AJAP1: variants seen among roughly 807,000 people sequenced by gnomAD.
AJAP1 encodes the protein adherens junction-associated protein 1.
In AJAP1, 5 loss-of-function variants were observed where a neutral mutation model predicts 35.0. The observed-to-expected ratio is 0.14, with a 90% confidence interval of 0.07 to 0.30. The LOEUF (loss-of-function observed/expected upper bound fraction) is 0.30, where lower values mean the gene tolerates loss of function less well. Ranked by LOEUF, AJAP1 falls within the 10% of genes least tolerant of loss-of-function variation. The pLI is 1.00. For synonymous variants in AJAP1, 284 were observed against 249.3 expected, an observed-to-expected ratio of 1.14 and a Z score of -1.31; for missense variants, 586 against 571.0, an observed-to-expected ratio of 1.03 and a Z score of -0.27.
At chr1:4,743,924 G>A (rs1438979315) in intron 2 of AJAP1, among the ~76,000 whole-genome samples, 1 of 103,420 alleles carries the variant, frequency 9.7e-6, no homozygotes, top group Non-Finnish European at 2.2e-5. Flanking sequence ...GACCATCACT[G>A]AGAGAGCTCT....
At chr1:4,672,376 A>T (rs1317279416) in intron 1 of AJAP1, among the ~76,000 whole-genome samples, 1 of 152,228 alleles carries the variant, frequency 6.6e-6, no homozygotes, top group Non-Finnish European at 1.5e-5. Flanking sequence ...TGGGTGCATT[A>T]CAGTGATGGA....
intron 1 of AJAP1, among the ~76,000 whole-genome samples, chr1:4,696,405 C>A (rs546443478): frequency 6.6e-6 from 1 of 152,258 alleles, no homozygotes; most frequent in East Asian, 1.9e-4. Flanking sequence ...GAAGTTCCAG[C>A]CCTAGGGGAG....
intron 5 of AJAP1, among the ~76,000 whole-genome samples, chr1:4,775,266 C>A (rs1453018875): frequency 6.6e-6 from 1 of 152,084 alleles, no homozygotes; most frequent in East Asian, 1.9e-4. Flanking sequence ...GAGCATTGCG[C>A]CCTCATGGCT....
In AJAP1 at chr1:4,783,920, G is replaced by T. The variant is rs1013901902; in HGVS notation, c.*1435G>T. 1 of 152,174 alleles carries T rather than the reference G, an allele frequency of 6.6e-6. No individual in the cohort carries two copies. The highest frequency in any genetic ancestry group is 2.4e-5 in the African/African-American group (1 of 41,452). 9.4% of individuals were successfully genotyped at this position (152,174 alleles called of 1,614,324 possible). ...CCCCAGTCAGGCAGCGCCCTGACCT[G>T]GCCTGTGCTGCATTGCCTTCCCTTG... On this transcript the variant is annotated 3_prime_UTR_variant, in exon 6 of 6. Transcript: ENST00000378191.
At chr1:4,733,373 C>G (rs759806548) in intron 2 of AJAP1, among the ~76,000 whole-genome samples, 8 of 151,902 alleles carry the variant, frequency 5.3e-5, no homozygotes, top group Non-Finnish European at 1.0e-4. Context: ...GGTCACAGGA[C>G]AGCGAGAAGC....
chr1:4,771,552 A>G (rs1641836616), intron 3 of AJAP1, among the ~76,000 whole-genome samples: 1 of 152,116 alleles, frequency 6.6e-6, no homozygotes, highest in Non-Finnish European at 1.5e-5. Context: ...CTGTGCTCTC[A>G]TCATAGAAGT....
At chr1:4,760,172 TGA>T (rs1641531018) in intron 2 of AJAP1, among the ~76,000 whole-genome samples, 1 of 152,130 alleles carries the variant, frequency 6.6e-6, no homozygotes, top group Non-Finnish European at 1.5e-5. Context: ...AGGCCGTGTG[TGA>T]GTCTCTGTGA....
intron 1 of AJAP1, among the ~76,000 whole-genome samples, chr1:4,679,091 T>C (rs1310036224): frequency 6.6e-6 from 1 of 152,206 alleles, no homozygotes; most frequent in African/African-American, 2.4e-5. Context: ...AGACCTGGAC[T>C]CTGGGAGACA....
At chr1:4,664,210 T>C (rs12140542) in intron 1 of AJAP1, among the ~76,000 whole-genome samples, 29,105 of 152,166 alleles carry the variant, frequency 0.19, 3,699 homozygotes, top group Non-Finnish European at 0.28. Context: ...ATCTGGCCTC[T>C]GAACCGTTAC....
chr1:4,699,643 G>A (rs1265655339), intron 1 of AJAP1, among the ~76,000 whole-genome samples: 1 of 152,152 alleles, frequency 6.6e-6, no homozygotes, highest in Non-Finnish European at 1.5e-5. Flanking sequence ...AGATGATGGA[G>A]CTGTCTTGAA....
chr1:4,741,152 TTC>T, intron 2 of AJAP1, among the ~76,000 whole-genome samples: 1 of 152,018 alleles, frequency 6.6e-6, no homozygotes, highest in East Asian at 1.9e-4. Flanking sequence ...GGAGCTAGGT[TTC>T]TCTCTGGGAG....
Position 4,724,761 on chromosome 1 carries a change from C to T in AJAP1, c.829+12062C>T, listed in dbSNP as rs969349567. ...GTCTGAACAGTTTTTTAAAATGCAACTTCTGGGCTTAGAGACAGCTGCAGG... is the reference window on the plus strand; with the variant it reads ...GTCTGAACAGTTTTTTAAAATGCAATTTCTGGGCTTAGAGACAGCTGCAGG... On this transcript the variant is annotated intron_variant, in intron 2 of 5. Coordinates refer to ENST00000378191, the MANE Select transcript of AJAP1 (RefSeq NM_018836.4). Among the ~76,000 whole-genome samples, 15 of 151,560 alleles carry T rather than the reference C, an allele frequency of 9.9e-5. No individual in the cohort carries two copies. In the South Asian group the frequency reaches 3.1e-3, roughly 32 times the overall value.
At chr1:4,686,414 C>G (rs186242241) in intron 1 of AJAP1, among the ~76,000 whole-genome samples, 5 of 152,272 alleles carry the variant, frequency 3.3e-5, no homozygotes, top group Admixed American at 6.5e-5. Context: ...GGTTCAAGTT[C>G]TTTTTCTTCC....
chr1:4,703,680 T>C (rs935603468), intron 1 of AJAP1, among the ~76,000 whole-genome samples: 1 of 152,186 alleles, frequency 6.6e-6, no homozygotes, highest in Non-Finnish European at 1.5e-5. Context: ...CCCAAGGTAC[T>C]TGAAGTTTTA....
At chr1:4,727,771 G>T (rs1035671490) in intron 2 of AJAP1, among the ~76,000 whole-genome samples, 1 of 152,230 alleles carries the variant, frequency 6.6e-6, no homozygotes, top group Non-Finnish European at 1.5e-5. Context: ...CATACTGCTG[G>T]CCTGGAGGGG....
intron 1 of AJAP1, among the ~76,000 whole-genome samples, chr1:4,679,645 G>T (rs567207563): frequency 8.5e-5 from 13 of 152,234 alleles, no homozygotes; most frequent in African/African-American, 2.9e-4. Flanking sequence ...TCCAGCTTCT[G>T]GTGGTTGCTG....
intron 2 of AJAP1, among the ~76,000 whole-genome samples, chr1:4,737,137 C>T (rs931789620): frequency 3.9e-5 from 6 of 152,144 alleles, no homozygotes; most frequent in South Asian, 2.1e-4. Context: ...TGTGTGAGAG[C>T]GTCCTTTCCC....
intron 2 of AJAP1, among the ~76,000 whole-genome samples, chr1:4,746,690 C>A (rs561163841): frequency 1.3e-5 from 2 of 152,358 alleles, no homozygotes; most frequent in East Asian, 3.9e-4. Flanking sequence ...CAAACAACTG[C>A]TATTGAATTC....
intron 1 of AJAP1, among the ~76,000 whole-genome samples, chr1:4,709,917 TG>T (rs1306850184): frequency 6.6e-5 from 10 of 152,150 alleles, no homozygotes; most frequent in Non-Finnish European, 1.5e-4. Flanking sequence ...TCCTGATGAC[TG>T]GGGGGCCATC....
Sources: gnomAD v4.1 joint callset for allele counts (sites outside exome capture counted in the v4.1 genomes callset) on GRCh38, gnomAD v4.1.1 for gene constraint, MANE v1.5 for transcripts, NCBI Gene and HGNC (gene_info 2026-07-23, HGNC 2026-07-21) for gene names.